RBMS3: variants seen among roughly 807,000 people sequenced by gnomAD.
RBMS3 encodes the protein RNA-binding motif, single-stranded-interacting protein 3.
Under a neutral mutation model 66.8 loss-of-function variants are expected in RBMS3, and 27 were observed. The ratio of observed to expected loss-of-function variants is 0.40; its 90% CI spans 0.30 to 0.56. The LOEUF is 0.56. RBMS3 is among the 20% of genes least tolerant of loss of function. RBMS3 has a pLI of 0.40. For missense variants in RBMS3, 513 were observed against 549.5 expected (o/e 0.93, Z 0.66); for synonymous variants, 188 against 183.0 (o/e 1.03, Z -0.22).
At chr3:29,361,536 T>A (rs1241788399) in intron 1 of RBMS3, among the ~76,000 whole-genome samples, 3 of 152,166 alleles carry the variant, frequency 2.0e-5, no homozygotes, top group African/African-American at 2.4e-5. Context: ...TTGGAGTTGG[T>A]CTTCTTGAGG....
At chr3:29,699,124 C>A (rs1440516) in intron 4 of RBMS3, among the ~76,000 whole-genome samples, 18,408 of 152,070 alleles carry the variant, frequency 0.12, 2,435 homozygotes, top group African/African-American at 0.33. Context: ...CAATAAGTAC[C>A]TTCTTGAAAG....
intron 1 of RBMS3, among the ~76,000 whole-genome samples, chr3:29,308,645 A>G (rs1451429359): frequency 1.3e-5 from 2 of 151,568 alleles, no homozygotes; most frequent in Non-Finnish European, 3.0e-5. Context: ...TAAATAATTT[A>G]TAGAATTACA....
intron 5 of RBMS3, among the ~76,000 whole-genome samples, chr3:29,755,571 A>C (rs756394487): frequency 6.6e-5 from 10 of 152,210 alleles, no homozygotes; most frequent in Non-Finnish European, 1.3e-4. Context: ...GGAGCAACAG[A>C]GGGAAACGTT....
intron 6 of RBMS3, among the ~76,000 whole-genome samples, chr3:29,866,125 G>A (rs1243438632): frequency 4.1e-5 from 6 of 146,572 alleles, no homozygotes; most frequent in Non-Finnish European, 8.9e-5. Flanking sequence ...AACATTCCTT[G>A]GTTAAAAAAA....
At chr3:29,975,564 TATAA>T (rs971653044) in intron 12 of RBMS3, among the ~76,000 whole-genome samples, 6 of 151,946 alleles carry the variant, frequency 3.9e-5, no homozygotes, top group Admixed American at 1.3e-4. Flanking sequence ...CAACTATATA[TATAA>T]ATTTTTCATT....
chr3:29,936,604 T>A (rs2061271278), intron 11 of RBMS3, among the ~76,000 whole-genome samples: 1 of 152,098 alleles, frequency 6.6e-6, no homozygotes, highest in Admixed American at 6.6e-5. Context: ...AGGGGCCAGA[T>A]CTATGACTGA....
At chr3:29,703,846 T>G (rs1310457702) in intron 4 of RBMS3, among the ~76,000 whole-genome samples, 1 of 148,916 alleles carries the variant, frequency 6.7e-6, no homozygotes, top group African/African-American at 2.6e-5. Flanking sequence ...AGATGAGTGC[T>G]GGGCGAGTGA....
intron 1 of RBMS3, among the ~76,000 whole-genome samples, chr3:29,305,836 G>C (rs1260179983): frequency 1.3e-5 from 2 of 152,006 alleles, no homozygotes; most frequent in African/African-American, 4.8e-5. Flanking sequence ...AGAGGAAATT[G>C]CTTAGGGAAA....
chr3:29,633,728 C>A (rs1000094927), intron 4 of RBMS3, among the ~76,000 whole-genome samples: 8 of 151,810 alleles, frequency 5.3e-5, no homozygotes, highest in African/African-American at 1.9e-4. Context: ...AGAGAGGAAT[C>A]CACAGATGAA....
intron 3 of RBMS3, among the ~76,000 whole-genome samples, chr3:29,529,689 T>C (rs145977280): frequency 6.6e-6 from 1 of 152,068 alleles, no homozygotes; most frequent in Non-Finnish European, 1.5e-5. Flanking sequence ...TAGATGTGAG[T>C]GTTTTGGTGA....
At chr3:29,443,721 G>A (rs1489786336) in intron 2 of RBMS3, among the ~76,000 whole-genome samples, 1 of 152,078 alleles carries the variant, frequency 6.6e-6, no homozygotes, top group Non-Finnish European at 1.5e-5. Flanking sequence ...AGGCTTTTGT[G>A]GAAGTACAGG....
intron 3 of RBMS3, among the ~76,000 whole-genome samples, chr3:29,577,372 G>A (rs1178267228): frequency 6.6e-6 from 1 of 152,164 alleles, no homozygotes; most frequent in Non-Finnish European, 1.5e-5. Context: ...TATGGCTGGG[G>A]GAGGGATGGC....
intron 4 of RBMS3, among the ~76,000 whole-genome samples, chr3:29,724,282 A>G (rs891051874): frequency 6.6e-6 from 1 of 152,134 alleles, no homozygotes; most frequent in African/African-American, 2.4e-5. Context: ...AATTAACATG[A>G]CTTATATTTA....
chr3:29,734,838 CTTTTA>C (rs886153338), intron 4 of RBMS3, among the ~76,000 whole-genome samples: 3 of 151,998 alleles, frequency 2.0e-5, no homozygotes, highest in Non-Finnish European at 2.9e-5. Context: ...TTTGCATATC[CTTTTA>C]TTTTATTTTC....
intron 1 of RBMS3, among the ~76,000 whole-genome samples, chr3:29,319,293 A>G (rs2034871735): frequency 6.6e-6 from 1 of 152,008 alleles, no homozygotes; most frequent in Non-Finnish European, 1.5e-5. Flanking sequence ...GGTTTGGGAT[A>G]TGAGCTTAAA....
In RBMS3 at chr3:29,756,029, T is replaced by C. The variant is rs528110767; in HGVS notation, c.558-6881T>C. Among the ~76,000 whole-genome samples the C allele has an allele frequency of 2.6e-5, 4 of 152,334 alleles. No homozygotes were observed. In the South Asian group the frequency reaches 8.3e-4, roughly 32 times the overall value. On this transcript the variant is annotated intron_variant, in intron 5 of 14. Coordinates refer to ENST00000383767, the MANE Select transcript of RBMS3 (RefSeq NM_001003793.3). ...CAGCACCTACTATTTTGCCTTAGGATTGGCAATTGATACAGCTTGGTAGGA... is the reference window on the plus strand; with the variant it reads ...CAGCACCTACTATTTTGCCTTAGGACTGGCAATTGATACAGCTTGGTAGGA...
intron 1 of RBMS3, among the ~76,000 whole-genome samples, chr3:29,387,680 A>T (rs1266529342): frequency 6.6e-6 from 1 of 152,122 alleles, no homozygotes; most frequent in African/African-American, 2.4e-5. Context: ...AGGTGGGCGG[A>T]TCATGAGGTC....
At chr3:29,521,894 T>A (rs1042427227) in intron 3 of RBMS3, among the ~76,000 whole-genome samples, 4 of 152,214 alleles carry the variant, frequency 2.6e-5, no homozygotes, top group African/African-American at 4.8e-5. Context: ...TGACCTTGTG[T>A]ATTTACTAAA....
intron 4 of RBMS3, among the ~76,000 whole-genome samples, chr3:29,715,004 ATTTC>A (rs1423476414): frequency 5.9e-5 from 9 of 152,072 alleles, no homozygotes; most frequent in African/African-American, 2.2e-4. Context: ...AATAGTTTTA[ATTTC>A]TTGGAAAAAA....
Sources: gnomAD v4.1 joint callset for allele counts (sites outside exome capture counted in the v4.1 genomes callset) on GRCh38, gnomAD v4.1.1 for gene constraint, MANE v1.5 for transcripts, NCBI Gene and HGNC (gene_info 2026-07-23, HGNC 2026-07-21) for gene names.